The following DENND4B variants were observed in gnomAD, a reference collection of about 807,000 sequenced individuals.
DENND4B encodes DENN domain-containing protein 4B.
In DENND4B, 67 loss-of-function variants were observed where a neutral mutation model predicts 161.0. That is an observed-to-expected ratio of 0.42 (90% CI 0.34 to 0.51). DENND4B has a LOEUF of 0.51. Ranked by LOEUF, DENND4B falls within the 20% of genes least tolerant of loss-of-function variation. The pLI is 0.08. For synonymous variants in DENND4B, 753 were observed against 813.8 expected, an observed-to-expected ratio of 0.93 and a Z score of 1.27; for missense variants, 1,481 against 1,968.0, an observed-to-expected ratio of 0.75 and a Z score of 4.68.
rs767967521 is a variant in DENND4B, at chr1:153,933,580, G to A, written c.3233C>T (p.Pro1078Leu). ...TGGCAGGTCAGGAGGCAGCTCAGGT[G>A]GGGGAATGCGGGAGGCAGGGGAGTG... ...SRHSPASRIP[P>L]PELPPDLPPP... The change falls in exon 20 of 28, where the codon CCA becomes CTA. Residue 1078 changes from proline (P) to leucine (L), a missense_variant. Around this residue, in one of 3 missense-constraint regions of DENND4B, gnomAD observed 339 missense variants for 330.3 expected, o/e 1.03. Transcript: ENST00000361217. The surrounding 1 kb of genome is among the most constrained non-coding windows in gnomAD (Gnocchi z 5.7). 38 of 1,565,476 alleles carry A rather than the reference G, an allele frequency of 2.4e-5. No individual in the cohort carries two copies. In the South Asian group the frequency reaches 2.7e-4, roughly 11 times the overall value.
chr1:153,930,786 C>A lies in DENND4B; in HGVS notation c.4186G>T (p.Val1396Leu). 1 of 1,608,492 alleles carries A rather than the reference C, an allele frequency of 6.2e-7. No homozygotes were observed. The highest frequency in any genetic ancestry group is 8.5e-7 in the Non-Finnish European group (1 of 1,177,414). The stretch of plus-strand genomic sequence containing the variant: ...TCATTGAGTCCAACATGGCGCAGCA[C>A]TGACTCCAACAGTGCCAAACTAAGG... ...ASLSLALLES[V>L]LRHVGLNEVH... The change falls in exon 26 of 28, where the codon GTG becomes TTG. Residue 1396 changes from valine to leucine, a missense_variant. Val to Leu is a conservative substitution (Grantham distance 32). Around this residue, in one of 3 missense-constraint regions of DENND4B, gnomAD observed 336 missense variants for 503.3 expected, o/e 0.67. Transcript: ENST00000361217. The surrounding 1 kb of genome is among the most constrained non-coding windows in gnomAD (Gnocchi z 4.7).
In DENND4B at chr1:153,937,640, C is replaced by T. The variant is rs753728577; in HGVS notation, c.2106-26G>A. ...CTGGAGGGGCAGAGAGAAGCAACAT[C>T]GGGGCAGTCAGCACAGGGCGAAGCG... On this transcript the variant is annotated intron_variant, in intron 14 of 27. Transcript: ENST00000361217. This position sits in a 1 kb window ranked among gnomAD's most constrained non-coding sequence, Gnocchi z 4.7. The T allele has an allele frequency of 3.7e-6, 6 of 1,611,392 alleles. No individual in the cohort carries two copies. In the Admixed American group the frequency reaches 5.0e-5, roughly 13 times the overall value.
rs1366352858 is a variant in DENND4B, at chr1:153,936,689, G to A, written c.2292C>T (p.Ala764=). 1.2e-6 allele frequency: 2 copies of A among 1,612,246 alleles called. No homozygotes were observed. The highest frequency in any genetic ancestry group is 1.7e-6 in the Non-Finnish European group (2 of 1,179,092). The change falls in exon 16 of 28, where the codon GCC becomes GCT. Residue 764 remains alanine, a synonymous_variant. Transcript: ENST00000361217. This position sits in a 1 kb window ranked among gnomAD's most constrained non-coding sequence, Gnocchi z 4.1. ...QKSAAVPELW[A]RCLLGHCYGL... ...CATAGCAGTGCCCCAGCAGGCACCG[G>A]GCCCACAGCTCAGGCACAGCTGCTG...
At chr1:153,939,883 C>A in intron 11 of DENND4B, 79 bp from the exon 12 acceptor site, 1 of 1,404,006 alleles carries the variant, frequency 7.1e-7, no homozygotes. Context: ...CCTCCATCTC[C>A]ACCTCCAGCC....
In DENND4B at chr1:153,933,640, C is replaced by T. The variant is rs770456499; in HGVS notation, c.3173G>A (p.Gly1058Asp). Residue 1058 changes from glycine (G) to aspartate (D), a missense_variant, in exon 20 of 28, where the codon GGT becomes GAT. Physicochemically the swap from Gly to Asp is moderately conservative, Grantham distance 94. Coordinates refer to ENST00000361217, the MANE Select transcript of DENND4B (RefSeq NM_014856.3). The surrounding 1 kb of genome is among the most constrained non-coding windows in gnomAD (Gnocchi z 5.7). ...DEAGTPRRGL[G>D]ARLQQLLTPS... ...AGTGAGCAGCTGTTGGAGGCGGGCACCCAGCCCTCGTCGGGGGGTGCCTGC... is the reference window on the plus strand; with the variant it reads ...AGTGAGCAGCTGTTGGAGGCGGGCATCCAGCCCTCGTCGGGGGGTGCCTGC... 1 of 1,567,092 alleles carries T rather than the reference C, an allele frequency of 6.4e-7. No homozygotes were observed. The highest frequency in any genetic ancestry group is 8.6e-7 in the Non-Finnish European group (1 of 1,158,774).
chr1:153,939,273 C>CG (rs1557854077), intron 12 of DENND4B, among the ~76,000 whole-genome samples: 5 of 137,194 alleles, frequency 3.6e-5, no homozygotes, highest in Non-Finnish European at 4.9e-5. Context: ...CTGCCTCAGA[C>CG]TGGGGGGGGT....
rs1274072927 is a variant in DENND4B at position 153,946,568 on chromosome 1, C to T, written c.-291G>A. 1.5e-5 allele frequency: 6 copies of T among 388,910 alleles called. No homozygotes were observed. The highest frequency in any genetic ancestry group is 8.3e-5 in the African/African-American group (4 of 48,158). The allele number at this position is 388,910 out of a possible 1,614,324, so 24.1% of individuals were successfully genotyped here. On this transcript the variant is annotated 5_prime_UTR_variant, in exon 1 of 28. Coordinates refer to ENST00000361217, the MANE Select transcript of DENND4B (RefSeq NM_014856.3). The surrounding 1 kb of genome is among the most constrained non-coding windows in gnomAD (Gnocchi z 6.3). ...TGCCGCGCTGCTCGCTCGGCCGGCTCGGTCCTCCCAGCTCCCGCGGCGCCG... is the reference window on the plus strand; with the variant it reads ...TGCCGCGCTGCTCGCTCGGCCGGCTTGGTCCTCCCAGCTCCCGCGGCGCCG...
Position 153,937,659 on chromosome 1 carries a change from C to T in DENND4B, c.2106-45G>A, listed in dbSNP as rs757956693. 8.1e-6 allele frequency: 13 copies of T among 1,612,248 alleles called. No homozygotes were observed. Among genetic ancestry groups the T allele is most frequent in the East Asian group, 2.2e-5 (1 of 44,868 alleles). ...CAACATCGGGGCAGTCAGCACAGGG[C>T]GAAGCGAGTTGGACTGGACCAGTCT... is the stretch of plus-strand genomic sequence containing the variant. On this transcript the variant is annotated intron_variant, in intron 14 of 27. Transcript: ENST00000361217. The surrounding 1 kb of genome is among the most constrained non-coding windows in gnomAD (Gnocchi z 4.7).
rs530944606 is a variant in DENND4B, at chr1:153,936,880, T to G, written c.2233-132A>C. 1.1e-6 allele frequency: 1 copy of G among 886,034 alleles called. No homozygotes were observed. The highest frequency in any genetic ancestry group is 1.6e-6 in the Non-Finnish European group (1 of 613,120). 54.9% of individuals were successfully genotyped at this position (886,034 alleles called of 1,614,324 possible). A position where few individuals can be genotyped will look rare whatever the true frequency, so the allele number is the denominator to read the frequency against. ...GTGCAGTGGCGCAATCTTGGCTCAC[T>G]GCAGACTCGGCCTCCTGGGCTCAAG... is the stretch of plus-strand genomic sequence containing the variant. On this transcript the variant is annotated intron_variant, in intron 15 of 27. Coordinates refer to ENST00000361217, the MANE Select transcript of DENND4B (RefSeq NM_014856.3). This position sits in a 1 kb window ranked among gnomAD's most constrained non-coding sequence, Gnocchi z 4.1.
Position 153,934,400 on chromosome 1 carries a change from C to A in DENND4B, c.2774-98G>T. 7.0e-7 allele frequency: 1 copy of A among 1,424,996 alleles called. No individual in the cohort carries two copies. The highest frequency in any genetic ancestry group is 2.5e-5 in the East Asian group (1 of 39,768). 88.3% of individuals were successfully genotyped at this position (1,424,996 alleles called of 1,614,324 possible). On this transcript the variant is annotated intron_variant, in intron 18 of 27. Transcript: ENST00000361217. The surrounding 1 kb of genome is among the most constrained non-coding windows in gnomAD (Gnocchi z 5.3). Reference sequence around the variant, plus strand: ...TAGATGGACCAGGGTTTGCAGGGTTCCTCCCAGGCAAAACTTTATCCGTTT... The same window carrying A: ...TAGATGGACCAGGGTTTGCAGGGTTACTCCCAGGCAAAACTTTATCCGTTT...
At chr1:153,943,511 C>G (rs1207651828) in intron 2 of DENND4B, among the ~76,000 whole-genome samples, 1 of 152,064 alleles carries the variant, frequency 6.6e-6, no homozygotes, top group Non-Finnish European at 1.5e-5. Context: ...AACCCCATCT[C>G]TACTAAAAAT....
chr1:153,942,801 G>T lies in DENND4B; in HGVS notation c.570+77C>A. ...CCCCTGTGGTCAGAGCCTTGGTCCTGGGATGCCCTTTGTTCCCAGTGTCCA... is the reference window on the plus strand; with the variant it reads ...CCCCTGTGGTCAGAGCCTTGGTCCTTGGATGCCCTTTGTTCCCAGTGTCCA... On this transcript the variant is annotated intron_variant, in intron 3 of 27. Coordinates refer to ENST00000361217, the MANE Select transcript of DENND4B (RefSeq NM_014856.3). The surrounding 1 kb of genome is among the most constrained non-coding windows in gnomAD (Gnocchi z 6.9). The T allele has an allele frequency of 6.6e-7, 1 of 1,521,974 alleles. No homozygotes were observed. The highest frequency in any genetic ancestry group is 2.3e-5 in the East Asian group (1 of 43,092). The allele number at this position is 1,521,974 out of a possible 1,614,324, so 94.3% of individuals were successfully genotyped here. A position where few individuals can be genotyped will look rare whatever the true frequency, so the allele number is the denominator to read the frequency against.
rs1299024739 is a variant in DENND4B at position 153,937,622 on chromosome 1, G to A, written c.2106-8C>T. Reference sequence around the variant, plus strand: ...TCTGGGAATCCATCATAGCTGGAGGGGCAGAGAGAAGCAACATCGGGGCAG... The same window carrying A: ...TCTGGGAATCCATCATAGCTGGAGGAGCAGAGAGAAGCAACATCGGGGCAG... On this transcript the variant is annotated splice_region_variant and splice_polypyrimidine_tract_variant and intron_variant, in intron 14 of 27. Coordinates refer to ENST00000361217, the MANE Select transcript of DENND4B (RefSeq NM_014856.3). This position sits in a 1 kb window ranked among gnomAD's most constrained non-coding sequence, Gnocchi z 4.7. 1.2e-6 allele frequency: 2 copies of A among 1,611,696 alleles called. No individual in the cohort carries two copies. The highest frequency in any genetic ancestry group is 1.7e-6 in the Non-Finnish European group (2 of 1,178,420).
In DENND4B at chr1:153,929,854, CCT is replaced by C. The variant is rs1168991541; in HGVS notation, c.*441_*442del. On this transcript the variant is annotated 3_prime_UTR_variant, in exon 28 of 28. Transcript: ENST00000361217. ...AGAAAGGCATGGAGAGCCTTGGGCTCCTTCAGCAACGTCAGGGAAGAGGGACC... is the reference window on the plus strand; with the variant it reads ...AGAAAGGCATGGAGAGCCTTGGGCTCTCAGCAACGTCAGGGAAGAGGGACC... 1.3e-5 allele frequency: 2 copies of C among 159,086 alleles called. No homozygotes were observed. The highest frequency in any genetic ancestry group is 1.9e-4 in the South Asian group (1 of 5,194). The allele number at this position is 159,086 out of a possible 1,614,324, so 9.9% of individuals were successfully genotyped here.
intron 1 of DENND4B, among the ~76,000 whole-genome samples, chr1:153,945,560 ACACACACACACACACG>A: frequency 6.6e-6 from 1 of 151,876 alleles, no homozygotes; most frequent in Admixed American, 6.6e-5. Context: ...CTGGACACAC[ACACACACACACACACG>A]CACACACACA....
In DENND4B at chr1:153,944,449, T is replaced by C. The variant is rs1679859628; in HGVS notation, c.-23-52A>G. 2 of 1,480,126 alleles carry C rather than the reference T, an allele frequency of 1.4e-6. No individual in the cohort carries two copies. The highest frequency in any genetic ancestry group is 1.4e-5 in the African/African-American group (1 of 71,106). 91.7% of individuals were successfully genotyped at this position (1,480,126 alleles called of 1,614,324 possible). The stretch of plus-strand genomic sequence containing the variant: ...GAAGCAAGGAAGGCTGGGGATGCCA[T>C]GGCAACCAGGGTACCCTCTTGCTCC... On this transcript the variant is annotated intron_variant, in intron 1 of 27. Transcript: ENST00000361217. This position sits in a 1 kb window ranked among gnomAD's most constrained non-coding sequence, Gnocchi z 4.8.
intron 17 of DENND4B, 173 bp downstream of exon 17, chr1:153,935,887 C>CT (rs1679304508): frequency 6.5e-6 from 5 of 764,152 alleles, no homozygotes. Flanking sequence ...GCAGCCTCGT[C>CT]TGAGAAACTG....
Position 153,944,142 on chromosome 1 carries a change from T to A in DENND4B, c.233A>T (p.Glu78Val). 6.2e-7 allele frequency: 1 copy of A among 1,612,746 alleles called. No homozygotes were observed. The highest frequency in any genetic ancestry group is 8.5e-7 in the Non-Finnish European group (1 of 1,179,348). The change falls in exon 2 of 28, where the codon GAA becomes GTA. Residue 78 changes from glutamate (E) to valine (V), a missense_variant. Around this residue, in one of 3 missense-constraint regions of DENND4B, gnomAD observed 806 missense variants for 1,134.4 expected, o/e 0.71. Coordinates refer to ENST00000361217, the MANE Select transcript of DENND4B (RefSeq NM_014856.3). This position sits in a 1 kb window ranked among gnomAD's most constrained non-coding sequence, Gnocchi z 4.8. ...IQASAGGHPL[E>V]LSAGLLGGTQ... ...TCCACCCAGAAGTCCAGCACTGAGT[T>A]CCAAGGGGTGGCCCCCAGCAGAAGC...
In DENND4B at chr1:153,946,691, C is replaced by T. The variant is rs12095301; in HGVS notation, c.-414G>A. On this transcript the variant is annotated 5_prime_UTR_variant, in exon 1 of 28. Coordinates refer to ENST00000361217, the MANE Select transcript of DENND4B (RefSeq NM_014856.3). The surrounding 1 kb of genome is among the most constrained non-coding windows in gnomAD (Gnocchi z 6.3). ...CGCTACCCCCACCCCTCCTCCTCGG[C>T]CGGCGGCCGTGACCCTGGCAAGCGT... The T allele has an allele frequency of 5.6e-5, 21 of 376,620 alleles. No individual in the cohort carries two copies. Among genetic ancestry groups the T allele is most frequent in the Non-Finnish European group, 8.9e-5 (19 of 212,328 alleles). The allele number at this position is 376,620 out of a possible 1,614,324, so 23.3% of individuals were successfully genotyped here. A position where few individuals can be genotyped will look rare whatever the true frequency, so the allele number is the denominator to read the frequency against.
Sources: gnomAD v4.1 joint callset for allele counts (sites outside exome capture counted in the v4.1 genomes callset) on GRCh38, gnomAD v4.1.1 for gene constraint, gnomAD v4.1.1 regional missense constraint, Gnocchi (gnomAD v3.1) non-coding constraint, MANE v1.5 for transcripts, NCBI Gene and HGNC (gene_info 2026-07-23, HGNC 2026-07-21) for gene names.